Variants in TNPO3 observed in about 807,000 individuals in gnomAD.
TNPO3 encodes the protein transportin 3, also known as transportin-3.
Under a neutral mutation model 122.8 loss-of-function variants are expected in TNPO3, and 65 were observed. That is an observed-to-expected ratio of 0.53 (90% CI 0.43 to 0.65). The LOEUF (loss-of-function observed/expected upper bound fraction) is 0.65. Ranked by LOEUF, TNPO3 falls within the 30% of genes least tolerant of loss-of-function variation. The probability of loss-of-function intolerance (pLI) is 0.00; values close to 1 mark genes in which losing one functional copy is unlikely to be tolerated. For missense variants in TNPO3, 850 were observed against 1,136.7 expected, an observed-to-expected ratio of 0.75 and a Z score of 3.63; for synonymous variants, 372 against 411.2, an observed-to-expected ratio of 0.90 and a Z score of 1.15.
intron 4 of TNPO3, among the ~76,000 whole-genome samples, chr7:129,012,445 C>A (rs954393411): frequency 6.6e-6 from 1 of 152,144 alleles, no homozygotes; most frequent in African/African-American, 2.4e-5. Context: ...TATCCCTAAT[C>A]CAAAACTCCA....
intron 1 of TNPO3, among the ~76,000 whole-genome samples, chr7:129,034,764 G>A (rs1806386061): frequency 6.6e-6 from 1 of 150,858 alleles, no homozygotes; most frequent in African/African-American, 2.4e-5. Flanking sequence ...GCATGGTGGT[G>A]GGCGCCTGTA....
intron 8 of TNPO3, among the ~76,000 whole-genome samples, chr7:128,995,458 G>C (rs1296417111): frequency 6.6e-6 from 1 of 152,196 alleles, no homozygotes. Flanking sequence ...AGAAATTAAG[G>C]TGAAGGAATG....
Position 128,979,107 on chromosome 7 carries a change from G to T in TNPO3, c.1937C>A (p.Ser646Tyr). 1 of 1,614,098 alleles carries T rather than the reference G, an allele frequency of 6.2e-7. No homozygotes were observed. The highest frequency in any genetic ancestry group is 8.5e-7 in the Non-Finnish European group (1 of 1,179,976). ...KVIQEIWPVL[S>Y]ETLNKHRADN... is the part of the protein sequence containing the mutation. ...AGCTCGGTGCTTATTTAGAGTCTCGGATAAAACTGGCCATATCTGGGTCAA... is the reference window on the plus strand; with the variant it reads ...AGCTCGGTGCTTATTTAGAGTCTCGTATAAAACTGGCCATATCTGGGTCAA... Residue 646 changes from serine (S) to tyrosine (Y), a missense_variant, in exon 16 of 23, where the codon TCC becomes TAC. By Grantham distance (144) the Ser-to-Tyr change is moderately radical. Transcript: ENST00000265388.
chr7:129,029,745 C>T (rs936455674), intron 1 of TNPO3: 4 of 152,086 alleles, frequency 2.6e-5, no homozygotes, highest in Admixed American at 1.3e-4. Context: ...CAGACAGGGC[C>T]GTCGCGGTGG....
At chr7:129,056,001 C>A, upstream of TNPO3, 1 of 883,862 alleles carries the variant, frequency 1.1e-6, no homozygotes, top group Non-Finnish European at 1.9e-6. Context: ...TGACCTACAG[C>A]GCCTCAGCTC....
chr7:128,984,216 G>T lies in TNPO3; in HGVS notation c.1734C>A (p.Thr578=). ...VLARLPLDKI[T]ECLSELCSVQ... ...CAGAACATAGTTCACTAAGACATTC[G>T]GTAATCTTATCCAAAGGTAATCGGG... Residue 578 remains threonine (T), a synonymous_variant, in exon 13 of 23, where the codon ACC becomes ACA. Transcript: ENST00000265388. The T allele has an allele frequency of 6.2e-7, 1 of 1,612,636 alleles. No homozygotes were observed. Among genetic ancestry groups the T allele is most frequent in the South Asian group, 1.1e-5 (1 of 90,846 alleles).
At chr7:128,967,739 A>AACACACACACAC (rs35430377) in intron 20 of TNPO3, among the ~76,000 whole-genome samples, 1 of 148,320 alleles carries the variant, frequency 6.7e-6, no homozygotes, top group Non-Finnish European at 1.5e-5. Context: ...TGCGAACATG[A>AACACACACACAC]ACACACACAC....
chr7:128,989,580 T>C (rs546042039), intron 11 of TNPO3, among the ~76,000 whole-genome samples: 3 of 152,344 alleles, frequency 2.0e-5, no homozygotes, highest in African/African-American at 7.2e-5. Context: ...GAAGCATGTA[T>C]TACAAGTGAA....
chr7:129,054,263 G>T (rs1477485446), intron 1 of TNPO3, among the ~76,000 whole-genome samples: 1 of 152,154 alleles, frequency 6.6e-6, no homozygotes, highest in African/African-American at 2.4e-5. Flanking sequence ...TGGACACGGA[G>T]GGGAGACGAA....
chr7:128,957,464 T>C (rs973393346), intron 21 of TNPO3, 149 bp from the exon 22 acceptor site: 36 of 783,726 alleles, frequency 4.6e-5, no homozygotes, highest in Admixed American at 3.5e-4. Context: ...GCTTCAGATC[T>C]TTCTGTAATT....
At chr7:128,984,388 G>GT in intron 12 of TNPO3, 129 bp from the exon 13 acceptor site, 1 of 523,076 alleles carries the variant, frequency 1.9e-6, no homozygotes, top group Non-Finnish European at 3.4e-6. Context: ...GATCAGCATT[G>GT]TTTTTTAAAA....
In TNPO3 at chr7:129,055,009, G is replaced by C; in HGVS notation, c.-239C>G. On this transcript the variant is annotated 5_prime_UTR_variant, in exon 1 of 23. Coordinates refer to ENST00000265388, the MANE Select transcript of TNPO3 (RefSeq NM_012470.4). ...TTTCCGGTTTTTCCACTTGATTCTA[G>C]ACTCTTGAGTCCACAGATTCTGGCG... The C allele has an allele frequency of 2.0e-6, 1 of 510,370 alleles. No homozygotes were observed. Among genetic ancestry groups the C allele is most frequent in the East Asian group, 3.6e-5 (1 of 27,854 alleles). The allele number at this position is 510,370 out of a possible 1,614,324, so 31.6% of individuals were successfully genotyped here.
Position 128,970,225 on chromosome 7 carries a change from A to C in TNPO3, c.2521T>G (p.Cys841Gly), listed in dbSNP as rs1159878191. 6.2e-7 allele frequency: 1 copy of C among 1,614,182 alleles called. No homozygotes were observed. The highest frequency in any genetic ancestry group is 1.7e-5 in the Admixed American group (1 of 60,026). ...QQLVSQLLHT[C>G]CFCLPPYTLP... ...GTATAGGGGGGGAGGCAAAAGCAGC[A>C]GGTGTGCAGCAGCTGGCTGACAAGC... is the stretch of plus-strand genomic sequence containing the variant. The change falls in exon 20 of 23, where the codon TGC (cysteine) becomes GGC (glycine). Residue 841 changes from cysteine to glycine, a missense_variant. Coordinates refer to ENST00000265388, the MANE Select transcript of TNPO3 (RefSeq NM_012470.4).
At position 129,042,772 on chromosome 7, in the gene TNPO3, C is replaced by A. The variant is rs533960010; in HGVS notation, c.120+11879G>T. The stretch of plus-strand genomic sequence containing the variant: ...CTAAAAATATTTTTCAATATAACTT[C>A]TTTTGCAAGATGGCCTGAAACACAG... On this transcript the variant is annotated intron_variant, in intron 1 of 22. Transcript: ENST00000265388. Among the ~76,000 whole-genome samples the A allele has an allele frequency of 9.2e-5, 14 of 151,552 alleles. No homozygotes were observed. In the South Asian group the frequency reaches 2.9e-3, roughly 32 times the overall value.
chr7:129,013,282 A>AG (rs898799449), intron 4 of TNPO3, among the ~76,000 whole-genome samples: 4 of 152,164 alleles, frequency 2.6e-5, no homozygotes, highest in African/African-American at 9.7e-5. Flanking sequence ...AAGCAAAAAA[A>AG]GTCGACAAAG....
intron 1 of TNPO3, among the ~76,000 whole-genome samples, chr7:129,043,396 C>A (rs933507851): frequency 6.6e-6 from 1 of 152,002 alleles, no homozygotes; most frequent in Non-Finnish European, 1.5e-5. Context: ...CAGAGTGAAA[C>A]CCTATCTCTA....
At position 128,974,454 on chromosome 7, in the gene TNPO3, G is replaced by GC. The variant is rs543257767; in HGVS notation, c.2273+413dup. 1.1e-4 allele frequency among the ~76,000 whole-genome samples: 16 copies of GC among 151,698 alleles called. No individual in the cohort carries two copies. In the South Asian group the frequency reaches 3.1e-3, roughly 30 times the overall value. ...AATACAGTATGAGATAACTGCTAAG[G>GC]CATCTTAAAATCCCAAACATTCTTT... On this transcript the variant is annotated intron_variant, in intron 18 of 22. Transcript: ENST00000265388.
chr7:129,000,592 C>A (rs762968264), intron 6 of TNPO3, 25 bp from the exon 7 acceptor site: 14 of 1,602,920 alleles, frequency 8.7e-6, no homozygotes, highest in Non-Finnish European at 1.2e-5. Flanking sequence ...GGAATGAGAA[C>A]AATGAGTCAG....
At chr7:129,035,950 C>CTTT (rs71162551) in intron 1 of TNPO3, among the ~76,000 whole-genome samples, 20 of 119,928 alleles carry the variant, frequency 1.7e-4, no homozygotes, top group Non-Finnish European at 2.1e-4. Flanking sequence ...CTTTTCTTTT[C>CTTT]TTTTTTTTTT....
Sources: gnomAD v4.1 joint callset for allele counts (sites outside exome capture counted in the v4.1 genomes callset) on GRCh38, gnomAD v4.1.1 for gene constraint, MANE v1.5 for transcripts, NCBI Gene and HGNC (gene_info 2026-07-23, HGNC 2026-07-21) for gene names.